The following ZNRF3 variants were observed in gnomAD, a reference collection of about 807,000 sequenced individuals.
ZNRF3 encodes zinc and ring finger 3.
A neutral mutation model predicts 72.5 loss-of-function variants in ZNRF3; 23 were observed. The observed-to-expected ratio is 0.32, with a 90% CI of 0.23 to 0.45. ZNRF3 has a LOEUF of 0.45. Ranked by LOEUF, ZNRF3 falls within the 20% of genes least tolerant of loss-of-function variation. ZNRF3 has a pLI of 1.00. For missense variants in ZNRF3, 1,169 were observed against 1,272.1 expected (o/e 0.92, Z 1.23); for synonymous variants, 610 against 545.3 (o/e 1.12, Z -1.65).
chr22:28,973,552 C>T (rs1251994751), intron 1 of ZNRF3, among the ~76,000 whole-genome samples: 1 of 152,238 alleles, frequency 6.6e-6, no homozygotes, highest in Non-Finnish European at 1.5e-5. Context: ...TGGGCCAGTG[C>T]AACTCGAAGC....
Position 29,048,543 on chromosome 22 carries a change from G to A in ZNRF3, c.1015+52G>A. On this transcript the variant is annotated intron_variant, in intron 7 of 8. Coordinates refer to ENST00000544604, the MANE Select transcript of ZNRF3 (RefSeq NM_001206998.2). The surrounding 1 kb of genome is among the most constrained non-coding windows in gnomAD (Gnocchi z 4.9). ...CTGAAGAGTCAAGTGCCTAGCTAGA[G>A]TGTGACACACACCGCAGGCTTGGGA... The A allele has an allele frequency of 6.4e-7, 1 of 1,562,348 alleles. No individual in the cohort carries two copies. The highest frequency in any genetic ancestry group is 8.8e-7 in the Non-Finnish European group (1 of 1,133,292).
At chr22:28,924,741 AAATAAT>A (rs201978506) in intron 1 of ZNRF3, among the ~76,000 whole-genome samples, 5 of 151,992 alleles carry the variant, frequency 3.3e-5, no homozygotes, top group Admixed American at 1.3e-4. Flanking sequence ...TGTCTCTAAA[AAATAAT>A]AATAATAATA....
At chr22:28,991,279 CAAAAAAAAAAAAAA>C (rs59317059) in intron 2 of ZNRF3, among the ~76,000 whole-genome samples, 12 of 51,676 alleles carry the variant, frequency 2.3e-4, no homozygotes, top group African/African-American at 7.2e-4. Flanking sequence ...GACCCTCTCT[CAAAAAAAAAAAAAA>C]AAAAAAAAAA....
intron 1 of ZNRF3, among the ~76,000 whole-genome samples, chr22:28,963,954 AAAG>A (rs918528244): frequency 4.6e-5 from 7 of 152,224 alleles, no homozygotes; most frequent in Admixed American, 2.6e-4. Flanking sequence ...AAAAGAAAAG[AAAG>A]AAGAAGATCC....
chr22:28,981,820 A>G (rs539941599), intron 1 of ZNRF3, among the ~76,000 whole-genome samples: 3 of 152,166 alleles, frequency 2.0e-5, no homozygotes, highest in Non-Finnish European at 4.4e-5. Context: ...AACATGGTGA[A>G]ACCCTGACTC....
At chr22:28,888,888 C>T (rs111286530) in intron 1 of ZNRF3, among the ~76,000 whole-genome samples, 2 of 152,000 alleles carry the variant, frequency 1.3e-5, no homozygotes, top group African/African-American at 4.8e-5. Context: ...GAGGTCGAGG[C>T]GGGTGGATCA....
chr22:29,049,633 G>A lies in ZNRF3; in HGVS notation c.1452G>A (p.Gly484=). The A allele has an allele frequency of 1.9e-6, 3 of 1,610,676 alleles. No individual in the cohort carries two copies. Among genetic ancestry groups the A allele is most frequent in the Non-Finnish European group, 2.5e-6 (3 of 1,179,572 alleles). The change falls in exon 8 of 9, where the codon GGG becomes GGA. Residue 484 remains glycine, a synonymous_variant. Coordinates refer to ENST00000544604, the MANE Select transcript of ZNRF3 (RefSeq NM_001206998.2). The surrounding 1 kb of genome is among the most constrained non-coding windows in gnomAD (Gnocchi z 5.2). The stretch of plus-strand genomic sequence containing the variant: ...GCCTCAGCTACCCGGAGCAGGAGGG[G>A]CAGTCCCCACCTAGCCTCGCACCCC... The part of the protein sequence containing the change: ...FQGLSYPEQE[G]QSPPSLAPRG...
chr22:28,970,745 C>T (rs549426433), intron 1 of ZNRF3, among the ~76,000 whole-genome samples: 7 of 152,296 alleles, frequency 4.6e-5, no homozygotes, highest in African/African-American at 1.7e-4. Flanking sequence ...GGGTTCTTCC[C>T]TTCCCCCCAA....
intron 1 of ZNRF3, among the ~76,000 whole-genome samples, chr22:28,970,976 C>T (rs948636794): frequency 1.3e-5 from 2 of 152,184 alleles, no homozygotes; most frequent in Admixed American, 1.3e-4. Context: ...AAACTCACTA[C>T]ACATTGTTAT....
chr22:28,954,757 G>A, intron 1 of ZNRF3, among the ~76,000 whole-genome samples: 1 of 151,738 alleles, frequency 6.6e-6, no homozygotes. Flanking sequence ...TGGGACTACA[G>A]GTGTGTGCCA....
At chr22:28,953,395 A>G (rs2035201595) in intron 1 of ZNRF3, among the ~76,000 whole-genome samples, 2 of 152,222 alleles carry the variant, frequency 1.3e-5, no homozygotes, top group African/African-American at 2.4e-5. Context: ...AGCCTGTGAG[A>G]AATCAATCTG....
At position 28,937,191 on chromosome 22, in the gene ZNRF3, ATATATATATATATATATATATATATTTTT is replaced by A. The variant is rs1330455926; in HGVS notation, c.301-49883_301-49855del. Among the ~76,000 whole-genome samples the A allele has an allele frequency of 1.5e-3, 8 of 5,410 alleles. No individual in the cohort carries two copies. The East Asian group carries it at 0.071, about 48-fold the overall frequency. 3.5% of individuals were successfully genotyped at this position (5,410 alleles called of 152,430 possible). On this transcript the variant is annotated intron_variant, in intron 1 of 8. Coordinates refer to ENST00000544604, the MANE Select transcript of ZNRF3 (RefSeq NM_001206998.2). ...TCTCTTATAATATATATATATATAT[ATATATATATATATATATATATATATTTTT>A]TTTTTTTTTTTTTTTTTTAACAAAA...
chr22:28,891,817 T>C (rs1276083730), intron 1 of ZNRF3, among the ~76,000 whole-genome samples: 4 of 152,242 alleles, frequency 2.6e-5, no homozygotes, highest in South Asian at 2.1e-4. Flanking sequence ...TTCCTTCCTT[T>C]CTTTTCCTCT....
At chr22:28,896,771 A>C (rs2034006548) in intron 1 of ZNRF3, among the ~76,000 whole-genome samples, 1 of 152,132 alleles carries the variant, frequency 6.6e-6, no homozygotes, top group African/African-American at 2.4e-5. Flanking sequence ...TTGCAAAGCT[A>C]TTTCAAAATT....
intron 1 of ZNRF3, among the ~76,000 whole-genome samples, chr22:28,918,694 G>A (rs942239567): frequency 1.3e-5 from 2 of 152,288 alleles, no homozygotes; most frequent in East Asian, 3.9e-4. Context: ...GGGCGGGTCT[G>A]AGTCAGGGTG....
At position 28,981,882 on chromosome 22, in the gene ZNRF3, A is replaced by G. The variant is rs561849131; in HGVS notation, c.301-5194A>G. Among the ~76,000 whole-genome samples, 4 of 152,280 alleles carry G rather than the reference A, an allele frequency of 2.6e-5. No homozygotes were observed. In the South Asian group the frequency reaches 8.3e-4, roughly 32 times the overall value. ...CGTGGTGGCGGGCGCCTCTAATCCCAGCTACTCAAGAGGCTGAGGCAAGAG... is the reference window on the plus strand; with the variant it reads ...CGTGGTGGCGGGCGCCTCTAATCCCGGCTACTCAAGAGGCTGAGGCAAGAG... On this transcript the variant is annotated intron_variant, in intron 1 of 8. Coordinates refer to ENST00000544604, the MANE Select transcript of ZNRF3 (RefSeq NM_001206998.2).
intron 1 of ZNRF3, among the ~76,000 whole-genome samples, chr22:28,915,740 G>A (rs949609948): frequency 1.3e-5 from 2 of 152,124 alleles, no homozygotes; most frequent in Non-Finnish European, 2.9e-5. Flanking sequence ...GATGATTTCC[G>A]AAAAAGATTA....
At chr22:28,969,864 G>T (rs2035538840) in intron 1 of ZNRF3, among the ~76,000 whole-genome samples, 1 of 152,170 alleles carries the variant, frequency 6.6e-6, no homozygotes, top group Non-Finnish European at 1.5e-5. Flanking sequence ...CTTGGTACAG[G>T]GTGGAAGCAG....
intron 2 of ZNRF3, among the ~76,000 whole-genome samples, chr22:29,001,059 CTTTTTTTTTTT>C (rs773296494): frequency 5.1e-5 from 4 of 77,954 alleles, no homozygotes; most frequent in South Asian, 1.0e-3. Context: ...AAAGCTTTGC[CTTTTTTTTTTT>C]TTTTTTTTTT....
Sources: gnomAD v4.1 joint callset for allele counts (sites outside exome capture counted in the v4.1 genomes callset) on GRCh38, gnomAD v4.1.1 for gene constraint, Gnocchi (gnomAD v3.1) non-coding constraint, MANE v1.5 for transcripts, NCBI Gene and HGNC (gene_info 2026-07-23, HGNC 2026-07-21) for gene names.